Variants in CRACR2A observed in about 807,000 individuals in gnomAD.
CRACR2A encodes the protein EF-hand calcium-binding domain-containing protein 4B.
Under a neutral mutation model 90.5 loss-of-function variants are expected in CRACR2A, and 79 were observed. The ratio of observed to expected loss-of-function variants is 0.87; its 90% CI spans 0.73 to 1.05. The LOEUF (loss-of-function observed/expected upper bound fraction) is 1.05. Ranked by LOEUF, CRACR2A falls within the 50% of genes least tolerant of loss-of-function variation. The pLI, the probability that CRACR2A is intolerant of heterozygous loss-of-function variation, is 0.00. For synonymous variants in CRACR2A, 338 were observed against 356.7 expected, an observed-to-expected ratio of 0.95 and a Z score of 0.59; for missense variants, 823 against 897.2, an observed-to-expected ratio of 0.92 and a Z score of 1.06.
At chr12:3,713,942 T>A (rs1033449141) in intron 2 of CRACR2A, among the ~76,000 whole-genome samples, 4 of 152,186 alleles carry the variant, frequency 2.6e-5, no homozygotes, top group Non-Finnish European at 5.9e-5. Flanking sequence ...TTTGGCCACA[T>A]GCTGCGTAGC....
chr12:3,734,139 T>C (rs1056249165), intron 1 of CRACR2A, among the ~76,000 whole-genome samples: 14 of 151,792 alleles, frequency 9.2e-5, no homozygotes, highest in African/African-American at 3.1e-4. Flanking sequence ...CCCGGCTAAT[T>C]TTTTTTAAAA....
At position 3,627,639 on chromosome 12, in the gene CRACR2A, CG is replaced by C; in HGVS notation, c.1802del (p.Thr601ArgfsTer40). 6.4e-7 allele frequency: 1 copy of C among 1,551,796 alleles called. No homozygotes were observed. The highest frequency in any genetic ancestry group is 8.7e-7 in the Non-Finnish European group (1 of 1,147,018). On this transcript the variant is annotated frameshift_variant, in exon 16 of 20. Transcript: ENST00000440314. LOFTEE classifies it high-confidence loss of function. ...NSQVALQLWDTAGQERYRCIT... is the reference protein window; with the variant it reads ...NSQVALQLWDXAGQERYRCIT... ...CAGCTCCTCACCTCTCCTGCCCAGCCGTGTCCCACAGCTGCAGGGCCACCTG... is the reference window on the plus strand; with the variant it reads ...CAGCTCCTCACCTCTCCTGCCCAGCCTGTCCCACAGCTGCAGGGCCACCTG...
At chr12:3,666,681 C>T (rs1268011838) in intron 7 of CRACR2A, among the ~76,000 whole-genome samples, 1 of 152,264 alleles carries the variant, frequency 6.6e-6, no homozygotes, top group Non-Finnish European at 1.5e-5. Context: ...TAATACTCAA[C>T]ATCACTGGAG....
intron 4 of CRACR2A, among the ~76,000 whole-genome samples, chr12:3,692,581 C>T (rs1381369015): frequency 1.3e-5 from 2 of 152,148 alleles, no homozygotes; most frequent in African/African-American, 2.4e-5. Context: ...GTGGTGTCAG[C>T]CAGCCAAAGC....
chr12:3,682,686 A>T (rs1945478823), intron 4 of CRACR2A, among the ~76,000 whole-genome samples: 1 of 152,104 alleles, frequency 6.6e-6, no homozygotes, highest in African/African-American at 2.4e-5. Context: ...AACCATAATT[A>T]TCTCTTATTT....
At chr12:3,654,557 T>C (rs1163000587) in intron 9 of CRACR2A, among the ~76,000 whole-genome samples, 158 bp from the exon 10 acceptor site, 1 of 152,142 alleles carries the variant, frequency 6.6e-6, no homozygotes, top group Admixed American at 6.5e-5. Context: ...CTCTCCTCAG[T>C]TCACACGTAC....
intron 3 of CRACR2A, among the ~76,000 whole-genome samples, chr12:3,697,994 C>A (rs933854979): frequency 6.6e-6 from 1 of 152,184 alleles, no homozygotes; most frequent in Non-Finnish European, 1.5e-5. Flanking sequence ...CAAGTCGGTA[C>A]CTGTCTGGGC....
intron 15 of CRACR2A, among the ~76,000 whole-genome samples, chr12:3,629,440 T>C (rs1191487604): frequency 6.6e-6 from 1 of 152,214 alleles, no homozygotes; most frequent in Non-Finnish European, 1.5e-5. Flanking sequence ...CGGTCTGTGC[T>C]CTGGGAGACA....
At chr12:3,728,986 T>C (rs1946317082) in intron 2 of CRACR2A, 1 of 152,206 alleles carries the variant, frequency 6.6e-6, no homozygotes, top group South Asian at 2.1e-4. Context: ...CTCCATGGCG[T>C]ATTTGTCTCT....
rs376928158 is a variant in CRACR2A, at chr12:3,711,261, G to C, written c.-37+1976C>G. 6.6e-6 allele frequency among the ~76,000 whole-genome samples: 1 copy of C among 152,190 alleles called. No individual in the cohort carries two copies. The highest frequency in any genetic ancestry group is 1.5e-5 in the Non-Finnish European group (1 of 68,028). ...TTCCATCTCTAAAGGGATAGGCTGA[G>C]AATGTTCCAAGTCTTTAAGTTCTCT... On this transcript the variant is annotated intron_variant, in intron 3 of 19. Coordinates refer to ENST00000440314, the MANE Select transcript of CRACR2A (RefSeq NM_001144958.2). This position sits in a 1 kb window ranked among gnomAD's most constrained non-coding sequence, Gnocchi z 4.3.
At chr12:3,720,467 G>GAAAGAAAGAAAGAAAC (rs1946153414) in intron 2 of CRACR2A, among the ~76,000 whole-genome samples, 1 of 116,950 alleles carries the variant, frequency 8.6e-6, no homozygotes, top group Admixed American at 8.7e-5. Context: ...AAGAAAGAAA[G>GAAAGAAAGAAAGAAAC]CAAAAGAAAA....
chr12:3,744,250 T>C (rs1461148302), intron 1 of CRACR2A, among the ~76,000 whole-genome samples: 1 of 152,244 alleles, frequency 6.6e-6, no homozygotes, highest in Non-Finnish European at 1.5e-5. Flanking sequence ...TAAATTCCAT[T>C]AGCAGTTTAT....
rs1317088509 is a variant in CRACR2A at position 3,641,721 on chromosome 12, A to G, written c.1271+11T>C. 6.5e-7 allele frequency: 1 copy of G among 1,550,222 alleles called. No homozygotes were observed. Among genetic ancestry groups the G allele is most frequent in the Admixed American group, 2.0e-5 (1 of 50,994 alleles). On this transcript the variant is annotated intron_variant, in intron 13 of 19. Transcript: ENST00000440314. ...GAGGAATGAAGGGATGAGCAAGTGG[A>G]GATGACTTACCTCCTAAGAATCCCT...
chr12:3,706,632 ACT>A (rs1335947432), intron 3 of CRACR2A, among the ~76,000 whole-genome samples: 1 of 152,140 alleles, frequency 6.6e-6, no homozygotes, highest in Admixed American at 6.5e-5. Context: ...ACGGAGTCTC[ACT>A]CTGTTGCCCG....
chr12:3,742,719 C>T (rs1214393316), intron 1 of CRACR2A, among the ~76,000 whole-genome samples: 2 of 152,220 alleles, frequency 1.3e-5, no homozygotes, highest in Admixed American at 6.5e-5. Flanking sequence ...CAGAAGGACA[C>T]TCATGGAACA....
chr12:3,670,664 T>C (rs1291388518), intron 7 of CRACR2A, among the ~76,000 whole-genome samples: 1 of 152,126 alleles, frequency 6.6e-6, no homozygotes, highest in Non-Finnish European at 1.5e-5. Context: ...GTAGAAAACA[T>C]CCGATGTTGC....
chr12:3,701,227 T>A (rs542608772), intron 3 of CRACR2A, among the ~76,000 whole-genome samples: 1 of 149,994 alleles, frequency 6.7e-6, no homozygotes, highest in East Asian at 1.9e-4. Flanking sequence ...AAGGAAAAAA[T>A]TTATAGCGCT....
Position 3,710,036 on chromosome 12 carries a change from A to G in CRACR2A, c.-37+3201T>C, listed in dbSNP as rs553964676. On this transcript the variant is annotated intron_variant, in intron 3 of 19. Transcript: ENST00000440314. ...GTGTATTACTAAACTGCTTTCCAGA[A>G]AACAGTTAAACAAAGCCCTAAGAAC... is the stretch of plus-strand genomic sequence containing the variant. Among the ~76,000 whole-genome samples the G allele has an allele frequency of 1.3e-4, 20 of 152,332 alleles. No homozygotes were observed. The South Asian group carries it at 3.1e-3, about 24-fold the overall frequency.
At chr12:3,618,557 A>T (rs1392563067) in intron 18 of CRACR2A, among the ~76,000 whole-genome samples, 1 of 152,124 alleles carries the variant, frequency 6.6e-6, no homozygotes, top group Non-Finnish European at 1.5e-5. Context: ...CTTGAGTCTT[A>T]CCATCTGTGC....
Sources: gnomAD v4.1 joint callset for allele counts (sites outside exome capture counted in the v4.1 genomes callset) on GRCh38, gnomAD v4.1.1 for gene constraint, Gnocchi (gnomAD v3.1) non-coding constraint, MANE v1.5 for transcripts, NCBI Gene and HGNC (gene_info 2026-07-23, HGNC 2026-07-21) for gene names.